Variants in VTI1A observed in about 807,000 individuals in gnomAD.
VTI1A encodes the protein vesicle transport through interaction with t-SNAREs homolog 1A.
VTI1A carries 22 observed loss-of-function variants against 34.9 expected under a neutral mutation model. The observed-to-expected ratio is 0.63, with a 90% CI of 0.45 to 0.90. The LOEUF (loss-of-function observed/expected upper bound fraction) is 0.90. VTI1A is among the 40% of genes least tolerant of loss of function. The pLI, the probability that VTI1A is intolerant of heterozygous loss-of-function variation, is 0.00. For missense variants in VTI1A, 268 were observed against 275.6 expected (o/e 0.97, Z 0.20); for synonymous variants, 87 against 97.3 (o/e 0.89, Z 0.62).
intron 7 of VTI1A, among the ~76,000 whole-genome samples, chr10:112,727,187 C>T (rs1176482232): frequency 6.6e-6 from 1 of 152,182 alleles, no homozygotes; most frequent in Non-Finnish European, 1.5e-5. Flanking sequence ...AAAACCAAAG[C>T]ACAAACTGGT....
chr10:112,555,440 C>T (rs927888741), intron 5 of VTI1A, among the ~76,000 whole-genome samples: 2 of 152,072 alleles, frequency 1.3e-5, no homozygotes, highest in South Asian at 4.1e-4. Context: ...CAGTAACAGA[C>T]TTTAAAAACT....
At chr10:112,508,154 G>T (rs1033045523) in intron 3 of VTI1A, among the ~76,000 whole-genome samples, 1 of 152,174 alleles carries the variant, frequency 6.6e-6, no homozygotes, top group Non-Finnish European at 1.5e-5. Context: ...TGAACAAACC[G>T]TTTCTAGGAG....
intron 7 of VTI1A, chr10:112,736,805 C>T (rs761834717): frequency 1.4e-5 from 19 of 1,378,070 alleles, no homozygotes; most frequent in Non-Finnish European, 1.8e-5. Flanking sequence ...ATTACTCAAA[C>T]ACGTATTGTG....
chr10:112,691,760 A>C (rs1011311900), intron 7 of VTI1A, among the ~76,000 whole-genome samples: 2 of 152,234 alleles, frequency 1.3e-5, no homozygotes, highest in Non-Finnish European at 1.5e-5. Context: ...CACTTGAGGC[A>C]GATGTGAGAC....
chr10:112,829,126 A>G, the VTI1A span, among the ~76,000 whole-genome samples: 1 of 152,106 alleles, frequency 6.6e-6, no homozygotes, highest in Non-Finnish European at 1.5e-5. Context: ...ATTTGAGGAC[A>G]CATTTGAAAC....
chr10:112,456,895 A>G (rs1847549414), intron 1 of VTI1A, among the ~76,000 whole-genome samples: 1 of 151,980 alleles, frequency 6.6e-6, no homozygotes, highest in South Asian at 2.1e-4. Context: ...ATCCTGAGCT[A>G]CTCCTCATAC....
chr10:112,546,235 A>G (rs1191990345), intron 5 of VTI1A, among the ~76,000 whole-genome samples: 1 of 151,930 alleles, frequency 6.6e-6, no homozygotes, highest in Non-Finnish European at 1.5e-5. Context: ...ACATATATAT[A>G]TACAAAAATT....
chr10:112,815,475 G>A lies in VTI1A; in HGVS notation c.*92G>A. On this transcript the variant is annotated 3_prime_UTR_variant, in exon 8 of 8. Transcript: ENST00000393077. ...CATGAATCATTCTGTTGCGCTGACAGGCCCCAGGTGACCCTCTCTCTCCCT... is the reference window on the plus strand; with the variant it reads ...CATGAATCATTCTGTTGCGCTGACAAGCCCCAGGTGACCCTCTCTCTCCCT... 1 of 1,134,540 alleles carries A rather than the reference G, an allele frequency of 8.8e-7. No homozygotes were observed. The highest frequency in any genetic ancestry group is 2.4e-5 in the East Asian group (1 of 41,830). The allele number at this position is 1,134,540 out of a possible 1,614,324, so 70.3% of individuals were successfully genotyped here.
chr10:112,544,055 A>G (rs1465340339), intron 5 of VTI1A, among the ~76,000 whole-genome samples: 1 of 152,230 alleles, frequency 6.6e-6, no homozygotes, highest in Non-Finnish European at 1.5e-5. Context: ...TTTTGGTACC[A>G]GTACCATGCT....
chr10:112,487,341 C>T (rs572697710), intron 3 of VTI1A, among the ~76,000 whole-genome samples: 1 of 152,284 alleles, frequency 6.6e-6, no homozygotes, highest in Non-Finnish European at 1.5e-5. Flanking sequence ...GCAGGCTGGT[C>T]TCAAACTCCT....
rs550168136 is a variant in VTI1A at position 112,578,969 on chromosome 10, G to GT, written c.427+40640dup. Among the ~76,000 whole-genome samples the GT allele has an allele frequency of 3.3e-3, 505 of 152,344 alleles. 1 individual carries two copies. The highest frequency in any genetic ancestry group is 8.4e-3 in the Admixed American group (129 of 15,306). ...TTCCTGGTGACATCAGCAGAAAAGT[G>GT]TAAGTTTCTATCAACAAACCATTTA... On this transcript the variant is annotated intron_variant, in intron 5 of 7. Coordinates refer to ENST00000393077, the MANE Select transcript of VTI1A (RefSeq NM_145206.4).
At chr10:112,587,372 A>G (rs982767811) in intron 5 of VTI1A, among the ~76,000 whole-genome samples, 1 of 152,192 alleles carries the variant, frequency 6.6e-6, no homozygotes, top group Non-Finnish European at 1.5e-5. Flanking sequence ...AGCTTATAAC[A>G]TAGGAGAAGG....
chr10:112,692,677 A>G (rs1300942312), intron 7 of VTI1A, among the ~76,000 whole-genome samples: 1 of 152,342 alleles, frequency 6.6e-6, no homozygotes, highest in East Asian at 1.9e-4. Flanking sequence ...AGTATTGCCC[A>G]TGGTTTTAAT....
chr10:112,595,929 C>T lies in VTI1A; in HGVS notation c.427+57599C>T, dbSNP rs193187162. On this transcript the variant is annotated intron_variant, in intron 5 of 7. Coordinates refer to ENST00000393077, the MANE Select transcript of VTI1A (RefSeq NM_145206.4). Reference sequence around the variant, plus strand: ...AACCAACCCAAATGTCCAACAATGACAGACTGGATTAAGAAAATGTGGCAG... The same window carrying T: ...AACCAACCCAAATGTCCAACAATGATAGACTGGATTAAGAAAATGTGGCAG... Among the ~76,000 whole-genome samples the T allele has an allele frequency of 3.5e-3, 532 of 152,198 alleles. 4 individuals carry two copies. Among genetic ancestry groups the T allele is most frequent in the African/African-American group, 0.012 (511 of 41,504 alleles).
chr10:112,526,869 C>T lies in VTI1A; in HGVS notation c.265-218C>T, dbSNP rs542320895. 1.4e-4 allele frequency among the ~76,000 whole-genome samples: 21 copies of T among 152,190 alleles called. No homozygotes were observed. In the South Asian group the frequency reaches 4.4e-3, roughly 32 times the overall value. ...GCGTTTATGAATAGAATACACAATG[C>T]AGAGTTTCCTTTCATTATTGGCATC... On this transcript the variant is annotated intron_variant, in intron 3 of 7. Transcript: ENST00000393077.
intron 7 of VTI1A, among the ~76,000 whole-genome samples, chr10:112,695,323 G>A (rs1293469385): frequency 6.6e-6 from 1 of 151,826 alleles, no homozygotes; most frequent in Non-Finnish European, 1.5e-5. Context: ...TAAGGAAAAG[G>A]GCATATGTAT....
intron 3 of VTI1A, among the ~76,000 whole-genome samples, chr10:112,498,953 A>G (rs1007428108): frequency 6.6e-6 from 1 of 152,300 alleles, no homozygotes; most frequent in South Asian, 2.1e-4. Context: ...AGTTTTATCT[A>G]AACAGAAAGG....
chr10:112,732,707 TTA>T (rs1850308349), intron 7 of VTI1A, among the ~76,000 whole-genome samples: 2 of 152,206 alleles, frequency 1.3e-5, no homozygotes, highest in Non-Finnish European at 2.9e-5. Flanking sequence ...CAAATGTTAA[TTA>T]ATCTTCCTGA....
chr10:112,633,940 A>G (rs1281191508), intron 5 of VTI1A, among the ~76,000 whole-genome samples: 1 of 152,042 alleles, frequency 6.6e-6, no homozygotes, highest in Non-Finnish European at 1.5e-5. Context: ...CAGTTAACTC[A>G]GAATTATAAA....
Sources: allele counts gnomAD v4.1 joint callset (sites outside exome capture counted in the v4.1 genomes callset), GRCh38; gene constraint gnomAD v4.1.1; transcripts MANE v1.5; gene names NCBI Gene and HGNC (gene_info 2026-07-23, HGNC 2026-07-21).